Variants in ST6GALNAC3 observed in about 807,000 individuals in gnomAD.
ST6GALNAC3 encodes alpha-N-acetylgalactosaminide alpha-2,6-sialyltransferase 3.
A neutral mutation model predicts 32.7 loss-of-function variants in ST6GALNAC3; 25 were observed. The ratio of observed to expected loss-of-function variants is 0.76; its 90% CI spans 0.56 to 1.07. ST6GALNAC3 has a LOEUF of 1.07. Ranked by LOEUF, ST6GALNAC3 falls within the 50% of genes least tolerant of loss-of-function variation. The pLI is 0.00. For synonymous variants in ST6GALNAC3, 129 were observed against 133.1 expected (o/e 0.97, Z 0.21); for missense variants, 355 against 382.4 (o/e 0.93, Z 0.60).
At chr1:76,156,771 G>A (rs1456551170) in intron 1 of ST6GALNAC3, among the ~76,000 whole-genome samples, 1 of 151,982 alleles carries the variant, frequency 6.6e-6, no homozygotes. Flanking sequence ...TCGCTCTCTC[G>A]CCCAGGCTGG....
intron 3 of ST6GALNAC3, among the ~76,000 whole-genome samples, chr1:76,445,918 C>T (rs1052921544): frequency 1.3e-5 from 2 of 152,170 alleles, no homozygotes; most frequent in East Asian, 1.9e-4. Flanking sequence ...TATACATATA[C>T]TTCTGTGCCG....
chr1:76,580,042 A>G (rs1263116744), intron 3 of ST6GALNAC3, among the ~76,000 whole-genome samples: 1 of 152,060 alleles, frequency 6.6e-6, no homozygotes, highest in Non-Finnish European at 1.5e-5. Context: ...GACCAGTAGT[A>G]CAACTAGTGT....
chr1:76,223,088 A>T (rs965690857), intron 1 of ST6GALNAC3, among the ~76,000 whole-genome samples: 1 of 152,200 alleles, frequency 6.6e-6, no homozygotes, highest in African/African-American at 2.4e-5. Flanking sequence ...AGACACATCC[A>T]TGCATATGTT....
rs1654278736 is a variant in ST6GALNAC3 at position 76,412,088 on chromosome 1, A to T, written c.294A>T (p.Ile98=). The T allele has an allele frequency of 6.2e-7, 1 of 1,613,560 alleles. No homozygotes were observed. The highest frequency in any genetic ancestry group is 2.2e-5 in the East Asian group (1 of 44,846). ...TTGGCCAGAAGGTGGGAAATGAGAT[A>T]GATCGATCCTCCTGCATTTGGAGAA... is the stretch of plus-strand genomic sequence containing the variant. ...QMVGQKVGNE[I]DRSSCIWRMN... Residue 98 remains isoleucine, a synonymous_variant, in exon 3 of 5, where the codon ATA becomes ATT. Transcript: ENST00000328299.
At position 76,509,596 on chromosome 1, in the gene ST6GALNAC3, A is replaced by G. The variant is rs574621413; in HGVS notation, c.623+97179A>G. On this transcript the variant is annotated intron_variant, in intron 3 of 4. Coordinates refer to ENST00000328299, the MANE Select transcript of ST6GALNAC3 (RefSeq NM_152996.4). This position sits in a 1 kb window ranked among gnomAD's most constrained non-coding sequence, Gnocchi z 5.5. ...ATTGCTGCTATAACAAATTATCACC[A>G]ACTTTGTGGTTTAAAACAACACAAA... Among the ~76,000 whole-genome samples, 1 of 152,334 alleles carries G rather than the reference A, an allele frequency of 6.6e-6. No individual in the cohort carries two copies. The highest frequency in any genetic ancestry group is 2.1e-4 in the South Asian group (1 of 4,828).
At chr1:76,450,779 A>G (rs543216261) in intron 3 of ST6GALNAC3, among the ~76,000 whole-genome samples, 48 of 152,136 alleles carry the variant, frequency 3.2e-4, no homozygotes, top group Non-Finnish European at 5.9e-4. Flanking sequence ...TGGTTTGCCA[A>G]TTATCCCAGC....
Position 76,629,955 on chromosome 1 carries a change from A to G in ST6GALNAC3, c.*1149A>G, listed in dbSNP as rs780766407. ...CCTTCTAGGGATTTATTTTTCCCAT[A>G]GTGTATCAGTTGTTATGCCACAATA... On this transcript the variant is annotated 3_prime_UTR_variant, in exon 5 of 5. Coordinates refer to ENST00000328299, the MANE Select transcript of ST6GALNAC3 (RefSeq NM_152996.4). The G allele has an allele frequency of 2.8e-5, 28 of 985,098 alleles. No homozygotes were observed. The highest frequency in any genetic ancestry group is 6.2e-5 in the Admixed American group (1 of 16,230). 61.0% of individuals were successfully genotyped at this position (985,098 alleles called of 1,614,324 possible). A position where few individuals can be genotyped will look rare whatever the true frequency, so the allele number is the denominator to read the frequency against.
At chr1:76,392,173 A>AG (rs1652615385) in intron 2 of ST6GALNAC3, among the ~76,000 whole-genome samples, 1 of 152,182 alleles carries the variant, frequency 6.6e-6, no homozygotes, top group South Asian at 2.1e-4. Context: ...AATGTTCCCT[A>AG]GGGGACAAAA....
chr1:76,226,657 A>G (rs1656088265), intron 1 of ST6GALNAC3, among the ~76,000 whole-genome samples: 1 of 152,192 alleles, frequency 6.6e-6, no homozygotes, highest in African/African-American at 2.4e-5. Flanking sequence ...AAGGGGGAAC[A>G]GGCATCTTAC....
At chr1:76,195,932 AG>A (rs1654180040) in intron 1 of ST6GALNAC3, among the ~76,000 whole-genome samples, 1 of 152,216 alleles carries the variant, frequency 6.6e-6, no homozygotes, top group Non-Finnish European at 1.5e-5. Context: ...AGAAGGAGAA[AG>A]GTTTTTGCAA....
At chr1:76,627,396 G>C (rs963978088) in intron 3 of ST6GALNAC3, 56 bp from the exon 4 acceptor site, 3 of 1,100,586 alleles carry the variant, frequency 2.7e-6, no homozygotes, top group East Asian at 2.4e-5. Flanking sequence ...TTATTGTTCT[G>C]TGTGTGTGTT....
At chr1:76,111,864 T>G (rs545563861) in intron 1 of ST6GALNAC3, among the ~76,000 whole-genome samples, 1 of 151,858 alleles carries the variant, frequency 6.6e-6, no homozygotes, top group Non-Finnish European at 1.5e-5. Flanking sequence ...GGCAACCATC[T>G]GATTTCTCAA....
chr1:76,611,073 A>ATATG (rs1647900063), intron 3 of ST6GALNAC3, among the ~76,000 whole-genome samples: 1 of 151,888 alleles, frequency 6.6e-6, no homozygotes, highest in African/African-American at 2.4e-5. Context: ...TGAGGTATAT[A>ATATG]TATATATATA....
intron 3 of ST6GALNAC3, among the ~76,000 whole-genome samples, chr1:76,525,551 G>C (rs867206105): frequency 6.6e-6 from 1 of 151,414 alleles, no homozygotes; most frequent in South Asian, 2.1e-4. Context: ...CAGTTGTTTT[G>C]GCAGAATTTC....
chr1:76,081,614 A>G (rs991331998), intron 1 of ST6GALNAC3, among the ~76,000 whole-genome samples: 1 of 152,142 alleles, frequency 6.6e-6, no homozygotes, highest in Non-Finnish European at 1.5e-5. Context: ...AGGGGCTGCA[A>G]AGACTGAGGA....
At chr1:76,337,121 A>G (rs932972540) in intron 2 of ST6GALNAC3, among the ~76,000 whole-genome samples, 1 of 152,140 alleles carries the variant, frequency 6.6e-6, no homozygotes, top group Non-Finnish European at 1.5e-5. Flanking sequence ...CCAGCCTCTG[A>G]TCTCCAGACT....
At chr1:76,521,858 C>T (rs937735467) in intron 3 of ST6GALNAC3, among the ~76,000 whole-genome samples, 2 of 152,162 alleles carry the variant, frequency 1.3e-5, no homozygotes, top group African/African-American at 4.8e-5. Context: ...TGCCTGAGCT[C>T]AGGAGTTCGA....
intron 2 of ST6GALNAC3, among the ~76,000 whole-genome samples, chr1:76,377,565 T>A (rs930753933): frequency 6.6e-6 from 1 of 152,048 alleles, no homozygotes; most frequent in African/African-American, 2.4e-5. Flanking sequence ...CCTCCAATAG[T>A]TAAATCAGCT....
intron 3 of ST6GALNAC3, among the ~76,000 whole-genome samples, chr1:76,523,903 T>G (rs569252253): frequency 7.9e-5 from 12 of 152,192 alleles, no homozygotes; most frequent in Non-Finnish European, 1.6e-4. Flanking sequence ...CCTTGCCATT[T>G]GAAAGCCTAC....
Sources: allele counts gnomAD v4.1 joint callset (sites outside exome capture counted in the v4.1 genomes callset), GRCh38; gene constraint gnomAD v4.1.1; non-coding constraint Gnocchi (gnomAD v3.1); transcripts MANE v1.5; gene names NCBI Gene and HGNC (gene_info 2026-07-23, HGNC 2026-07-21).